Variants in ANKRD36 observed in about 807,000 individuals in gnomAD.
ANKRD36 encodes ankyrin repeat domain-containing protein 36A.
A neutral mutation model predicts 278.1 loss-of-function variants in ANKRD36; 179 were observed. That is an observed-to-expected ratio of 0.64 (90% CI 0.57 to 0.73). The LOEUF (loss-of-function observed/expected upper bound fraction) is 0.73. Ranked by LOEUF, ANKRD36 falls within the 30% of genes least tolerant of loss-of-function variation. The pLI is 0.00. For synonymous variants in ANKRD36, 320 were observed against 641.1 expected, an observed-to-expected ratio of 0.50 and a Z score of 7.57; for missense variants, 1,159 against 1,956.7, an observed-to-expected ratio of 0.59 and a Z score of 7.69.
chr2:97,156,895 T>A, intron 15 of ANKRD36, among the ~76,000 whole-genome samples: 1 of 151,812 alleles, frequency 6.6e-6, no homozygotes, highest in Non-Finnish European at 1.5e-5. Flanking sequence ...GTTTCCTGAC[T>A]TTTTAATGAT....
At chr2:97,174,904 C>T (rs1182186870) in intron 22 of ANKRD36, among the ~76,000 whole-genome samples, 1 of 148,462 alleles carries the variant, frequency 6.7e-6, no homozygotes, top group African/African-American at 2.4e-5. Flanking sequence ...TTGTCTTTGG[C>T]TCTGTTTATA....
At chr2:97,185,211 C>T in intron 28 of ANKRD36, 105 bp from the exon 29 acceptor site, 1 of 1,447,946 alleles carries the variant, frequency 6.9e-7, no homozygotes, top group East Asian at 2.3e-5. Context: ...AAAGCCTATA[C>T]TAATACAGGC....
At chr2:97,169,116 T>A (rs1427799472) in intron 22 of ANKRD36, among the ~76,000 whole-genome samples, 1 of 152,304 alleles carries the variant, frequency 6.6e-6, no homozygotes, top group Non-Finnish European at 1.5e-5. Context: ...CTCTCCAGCA[T>A]CTGTTGTTTC....
intron 44 of ANKRD36, among the ~76,000 whole-genome samples, chr2:97,198,939 TA>T (rs533296417): frequency 1.8e-4 from 27 of 151,892 alleles, no homozygotes; most frequent in Non-Finnish European, 2.7e-4. Flanking sequence ...AATTTTGCTT[TA>T]ATTCTCCAGC....
chr2:97,202,259 C>T (rs781690590), intron 47 of ANKRD36, 29 bp downstream of exon 47: 61 of 1,607,338 alleles, frequency 3.8e-5, no homozygotes, highest in East Asian at 2.7e-4. Context: ...ATCTTGTGAA[C>T]GAGTTAATGT....
intron 65 of ANKRD36, 32 bp from the exon 66 acceptor site, chr2:97,219,142 G>C (rs1347901867): frequency 6.5e-7 from 1 of 1,546,472 alleles, no homozygotes; most frequent in Non-Finnish European, 8.7e-7. Flanking sequence ...TATACATCAT[G>C]TGCTAATCAC....
intron 67 of ANKRD36, among the ~76,000 whole-genome samples, chr2:97,230,324 G>A (rs1244813163): frequency 6.6e-6 from 1 of 152,014 alleles, no homozygotes; most frequent in Admixed American, 6.6e-5. Flanking sequence ...TTTCTTGGAG[G>A]CTTTGTTTGT....
In ANKRD36 at chr2:97,191,118, G is replaced by A. The variant is rs1168611588; in HGVS notation, c.2284G>A (p.Asp762Asn). ...QKQPALKATT[D>N]EKDSVSNIAT... ...TTCAAATTCCATTCAGGCTACAACTGATGAGAAAGATTCTGTTTCGAACAT... is the reference window on the plus strand; with the variant it reads ...TTCAAATTCCATTCAGGCTACAACTAATGAGAAAGATTCTGTTTCGAACAT... Residue 762 changes from aspartate (D) to asparagine (N), a missense_variant, in exon 36 of 76, where the codon GAT (aspartate) becomes AAT (asparagine). Asp to Asn is a conservative substitution (Grantham distance 23). Transcript: ENST00000420699. 2 of 1,597,360 alleles carry A rather than the reference G, an allele frequency of 1.3e-6. No homozygotes were observed. The highest frequency in any genetic ancestry group is 1.7e-6 in the Non-Finnish European group (2 of 1,172,118).
At chr2:97,201,262 T>G (rs1489258316) in intron 46 of ANKRD36, among the ~76,000 whole-genome samples, 2 of 151,900 alleles carry the variant, frequency 1.3e-5, no homozygotes, top group African/African-American at 4.8e-5. Flanking sequence ...ATGAATATGT[T>G]GGTTTCCTTG....
intron 58 of ANKRD36, chr2:97,213,036 T>C (rs2065085128): frequency 4.2e-6 from 2 of 481,600 alleles, no homozygotes; most frequent in Admixed American, 3.7e-5. Flanking sequence ...ATCCTTCTGA[T>C]TTCTTGCATG....
chr2:97,155,209 C>T (rs1187322537), intron 15 of ANKRD36, among the ~76,000 whole-genome samples: 2 of 141,062 alleles, frequency 1.4e-5, no homozygotes, highest in African/African-American at 2.5e-5. Context: ...AGTTTCTTTT[C>T]ATTTCTTGTA....
At chr2:97,133,621 A>T (rs1303712362) in intron 6 of ANKRD36, among the ~76,000 whole-genome samples, 4 of 151,964 alleles carry the variant, frequency 2.6e-5, no homozygotes, top group African/African-American at 9.7e-5. Context: ...TATTTGCTTT[A>T]TGTACTTTTA....
At chr2:97,220,749 A>ATTTTTTTTTTT (rs1558889083) in intron 66 of ANKRD36, among the ~76,000 whole-genome samples, 1 of 86,902 alleles carries the variant, frequency 1.2e-5, no homozygotes. Flanking sequence ...TTTTTTTTTA[A>ATTTTTTTTTTT]TTTTTAATTT....
At chr2:97,117,601 A>C (rs2035837198) in intron 1 of ANKRD36, among the ~76,000 whole-genome samples, 1 of 152,098 alleles carries the variant, frequency 6.6e-6, no homozygotes, top group African/African-American at 2.4e-5. Flanking sequence ...TGATACATCT[A>C]ATCTTTAATA....
chr2:97,203,866 C>T (rs2153604407), intron 48 of ANKRD36, among the ~76,000 whole-genome samples: 1 of 151,918 alleles, frequency 6.6e-6, no homozygotes, highest in East Asian at 1.9e-4. Flanking sequence ...GTTTGAAATT[C>T]TAAGACTATA....
At chr2:97,144,774 A>G (rs2043830478) in intron 10 of ANKRD36, 62 bp downstream of exon 10, 7 of 1,520,676 alleles carry the variant, frequency 4.6e-6, no homozygotes, top group Non-Finnish European at 6.2e-6. Flanking sequence ...CCCTTCCCCA[A>G]ATAAATCAGC....
intron 75 of ANKRD36, among the ~76,000 whole-genome samples, chr2:97,260,906 A>T (rs1366766196): frequency 8.1e-6 from 1 of 123,516 alleles, no homozygotes; most frequent in Non-Finnish European, 1.6e-5. Flanking sequence ...TCATGAACCA[A>T]CCTCTGCTAG....
chr2:97,130,885 T>C (rs2039968618), intron 6 of ANKRD36, among the ~76,000 whole-genome samples: 1 of 152,132 alleles, frequency 6.6e-6, no homozygotes, highest in African/African-American at 2.4e-5. Context: ...TGTTCTAAAG[T>C]ATATCTGGTA....
intron 36 of ANKRD36, 136 bp from the exon 37 acceptor site, chr2:97,192,722 A>G: frequency 7.9e-7 from 1 of 1,261,206 alleles, no homozygotes; most frequent in East Asian, 2.5e-5. Context: ...TCTAGTCCCC[A>G]GACTAAAAGT....
Sources: gnomAD v4.1 joint callset for allele counts (sites outside exome capture counted in the v4.1 genomes callset) on GRCh38, gnomAD v4.1.1 for gene constraint, MANE v1.5 for transcripts, NCBI Gene and HGNC (gene_info 2026-07-23, HGNC 2026-07-21) for gene names.